The following TMC2 variants were observed in gnomAD, a reference collection of about 807,000 sequenced individuals.
TMC2 encodes transmembrane channel-like protein 2.
In TMC2, 102 loss-of-function variants were observed where a neutral mutation model predicts 105.9. That is an observed-to-expected ratio of 0.96 (90% confidence interval 0.82 to 1.14). The LOEUF is 1.14. TMC2 is among the 50% of genes most tolerant of loss of function. TMC2 has a pLI of 0.00. For missense variants in TMC2, 1,093 were observed against 1,134.3 expected (o/e 0.96, Z 0.52); for synonymous variants, 402 against 422.8 (o/e 0.95, Z 0.60).
At chr20:2,567,617 C>G (rs1351064588) in intron 4 of TMC2, among the ~76,000 whole-genome samples, 1 of 151,914 alleles carries the variant, frequency 6.6e-6, no homozygotes, top group Non-Finnish European at 1.5e-5. Flanking sequence ...AGGCTGGTCT[C>G]GAACTCTTGG....
chr20:2,625,289 C>G (rs970628568), intron 17 of TMC2, among the ~76,000 whole-genome samples: 1 of 152,148 alleles, frequency 6.6e-6, no homozygotes. Flanking sequence ...CAAGATTCAA[C>G]AGATGTTAAC....
At chr20:2,609,010 G>C (rs945584589) in intron 11 of TMC2, among the ~76,000 whole-genome samples, 1 of 152,200 alleles carries the variant, frequency 6.6e-6, no homozygotes, top group Non-Finnish European at 1.5e-5. Context: ...ACCTACAATA[G>C]ACCTCTATGC....
intron 10 of TMC2, among the ~76,000 whole-genome samples, chr20:2,597,615 G>A (rs2086318141): frequency 6.6e-6 from 1 of 151,818 alleles, no homozygotes; most frequent in Non-Finnish European, 1.5e-5. Context: ...AGCCTCCCGA[G>A]TAGCTGGGAC....
intron 2 of TMC2, among the ~76,000 whole-genome samples, chr20:2,546,535 C>T (rs973821068): frequency 1.3e-5 from 2 of 152,294 alleles, no homozygotes; most frequent in Non-Finnish European, 2.9e-5. Context: ...CTGAGGCTGT[C>T]TGCTTTGGGA....
chr20:2,540,120 A>G (rs570675595), intron 2 of TMC2, among the ~76,000 whole-genome samples: 1 of 150,594 alleles, frequency 6.6e-6, no homozygotes, highest in East Asian at 2.0e-4. Flanking sequence ...CCTCCCAGGT[A>G]GCTGGGATTA....
chr20:2,558,786 C>T lies in TMC2; in HGVS notation c.401+12C>T, dbSNP rs1291920933. 1 of 1,524,080 alleles carries T rather than the reference C, an allele frequency of 6.6e-7. No homozygotes were observed. The highest frequency in any genetic ancestry group is 8.8e-7 in the Non-Finnish European group (1 of 1,137,852). The allele number at this position is 1,524,080 out of a possible 1,614,324, so 94.4% of individuals were successfully genotyped here. On this transcript the variant is annotated intron_variant, in intron 3 of 19. Coordinates refer to ENST00000358864, the MANE Select transcript of TMC2 (RefSeq NM_080751.3). This position sits in a 1 kb window ranked among gnomAD's most constrained non-coding sequence, Gnocchi z 4.6. ...CAGAAGAAACCCAGGTGTGTTGTGG[C>T]TCCGATTCTGGGCATTCGCTCCGCG...
At chr20:2,596,710 A>AT (rs2086309508) in intron 9 of TMC2, among the ~76,000 whole-genome samples, 10 of 126,464 alleles carry the variant, frequency 7.9e-5, no homozygotes, top group South Asian at 7.8e-4. Flanking sequence ...ATCAGAAAAA[A>AT]ATATATATGT....
chr20:2,636,826 T>C (rs991402041), intron 18 of TMC2, among the ~76,000 whole-genome samples: 2 of 152,086 alleles, frequency 1.3e-5, no homozygotes, highest in Admixed American at 1.3e-4. Context: ...TGAGCCAGGA[T>C]GGTCACCATA....
At chr20:2,594,498 G>A (rs2086291225) in intron 8 of TMC2, among the ~76,000 whole-genome samples, 1 of 152,138 alleles carries the variant, frequency 6.6e-6, no homozygotes, top group African/African-American at 2.4e-5. Flanking sequence ...AAAGTGCTGG[G>A]ATTACGGGCG....
intron 8 of TMC2, among the ~76,000 whole-genome samples, chr20:2,594,346 GC>G (rs1339546064): frequency 2.7e-5 from 4 of 149,534 alleles, no homozygotes; most frequent in African/African-American, 9.8e-5. Context: ...TCCTGCCTCA[GC>G]CTCCCAAGTA....
At chr20:2,552,555 A>C (rs2085963198) in intron 2 of TMC2, among the ~76,000 whole-genome samples, 1 of 152,114 alleles carries the variant, frequency 6.6e-6, no homozygotes, top group South Asian at 2.1e-4. Context: ...GAGTTCTGTC[A>C]CCCATGCTGG....
At position 2,542,970 on chromosome 20, in the gene TMC2, C is replaced by T. The variant is rs971708503; in HGVS notation, c.82+5654C>T. On this transcript the variant is annotated intron_variant, in intron 2 of 19. Transcript: ENST00000358864. ...CAAAATACAAGGCCAGGCATGGTGG[C>T]ACACACCTGTAATCCCAGCACTTTG... is the stretch of plus-strand genomic sequence containing the variant. Among the ~76,000 whole-genome samples the T allele has an allele frequency of 8.5e-5, 13 of 152,150 alleles. No homozygotes were observed. The East Asian group carries it at 2.3e-3, about 27-fold the overall frequency.
rs537067107 is a variant in TMC2 at position 2,558,851 on chromosome 20, G to C, written c.401+77G>C. ...CGCGGCCCTTCCCCTTCCCCCGTGA[G>C]GGACTGATGCCCCCCTCCCCGGGGA... On this transcript the variant is annotated intron_variant, in intron 3 of 19. Coordinates refer to ENST00000358864, the MANE Select transcript of TMC2 (RefSeq NM_080751.3). This position sits in a 1 kb window ranked among gnomAD's most constrained non-coding sequence, Gnocchi z 4.6. 2.1e-6 allele frequency: 3 copies of C among 1,398,398 alleles called. No homozygotes were observed. The East Asian group carries it at 7.4e-5, about 34-fold the overall frequency. 86.6% of individuals were successfully genotyped at this position (1,398,398 alleles called of 1,614,324 possible).
chr20:2,558,545 G>T lies in TMC2; in HGVS notation c.172G>T (p.Glu58Ter). 1 of 1,553,498 alleles carries T rather than the reference G, an allele frequency of 6.4e-7. No individual in the cohort carries two copies. Among genetic ancestry groups the T allele is most frequent in the Middle Eastern group, 1.7e-4 (1 of 5,782 alleles). ...GRRGAQRSQK[E>*]RAGGSPSPGS... ...GCGCGGAGCTCAGCGAAGCCAGAAG[G>T]AGCGCGCCGGGGGCAGCCCAAGCCC... The change falls in exon 3 of 20, where the codon GAG becomes TAG. Residue 58 changes from glutamate (E) to a stop codon, truncating the protein, a stop_gained. Transcript: ENST00000358864. LOFTEE classifies it high-confidence loss of function. This position sits in a 1 kb window ranked among gnomAD's most constrained non-coding sequence, Gnocchi z 4.6.
intron 4 of TMC2, among the ~76,000 whole-genome samples, chr20:2,567,004 A>T (rs2086068878): frequency 6.6e-6 from 1 of 152,256 alleles, no homozygotes; most frequent in Non-Finnish European, 1.5e-5. Flanking sequence ...CAGCAAAGGC[A>T]AGTGGGGAAG....
chr20:2,624,500 C>G (rs538505822), intron 17 of TMC2, 104 bp downstream of exon 17: 1 of 1,308,494 alleles, frequency 7.6e-7, no homozygotes, highest in South Asian at 1.5e-5. Context: ...TCTGCACTCC[C>G]CAGAAGCAGA....
chr20:2,596,425 A>G (rs1311381662), intron 9 of TMC2, among the ~76,000 whole-genome samples: 1 of 152,180 alleles, frequency 6.6e-6, no homozygotes, highest in African/African-American at 2.4e-5. Flanking sequence ...TGAGGTCAGG[A>G]GTTCGAGACC....
intron 3 of TMC2, among the ~76,000 whole-genome samples, chr20:2,561,106 T>C (rs1600101277): frequency 6.6e-6 from 1 of 152,286 alleles, no homozygotes; most frequent in East Asian, 1.9e-4. Context: ...GACATAAGAG[T>C]TGGTGAATTT....
chr20:2,588,689 C>G (rs201408163), intron 7 of TMC2, among the ~76,000 whole-genome samples: 3 of 62,882 alleles, frequency 4.8e-5, no homozygotes, highest in East Asian at 4.4e-4. Context: ...TTGCATGTGT[C>G]TTTGTGTGTG....
Sources: gnomAD v4.1 joint callset for allele counts (sites outside exome capture counted in the v4.1 genomes callset) on GRCh38, gnomAD v4.1.1 for gene constraint, Gnocchi (gnomAD v3.1) non-coding constraint, MANE v1.5 for transcripts, NCBI Gene and HGNC (gene_info 2026-07-23, HGNC 2026-07-21) for gene names.